COG6: variants seen among roughly 807,000 people sequenced by gnomAD.
The protein encoded by COG6 is component of oligomeric golgi complex 6, also known as conserved oligomeric Golgi complex subunit 6.
COG6 carries 74 observed loss-of-function variants against 88.8 expected under a neutral mutation model. The ratio of observed to expected loss-of-function variants is 0.83; its 90% CI spans 0.69 to 1.01. The LOEUF is 1.01. COG6 is among the 50% of genes least tolerant of loss of function. The probability of loss-of-function intolerance (pLI) is 0.00; values close to 1 mark genes in which losing one functional copy is unlikely to be tolerated. For synonymous variants in COG6, 286 were observed against 278.7 expected, an observed-to-expected ratio of 1.03 and a Z score of -0.26; for missense variants, 800 against 797.9, an observed-to-expected ratio of 1.00 and a Z score of -0.03.
chr13:39,788,533 C>G, exon 19 of COG6: 1 of 618,144 alleles, frequency 1.6e-6, no homozygotes, highest in Non-Finnish European at 2.9e-6. Context: ...GAGGGATGAA[C>G]CAAATGGAAA....
intron 18 of COG6, among the ~76,000 whole-genome samples, chr13:39,768,452 C>T (rs566256243): frequency 6.6e-6 from 1 of 152,374 alleles, no homozygotes; most frequent in East Asian, 1.9e-4. Flanking sequence ...TTCTCATCTG[C>T]TTTGCTGTAC....
chr13:39,777,659 G>A (rs780293531), intron 18 of COG6, among the ~76,000 whole-genome samples: 2 of 152,158 alleles, frequency 1.3e-5, no homozygotes, highest in South Asian at 2.1e-4. Flanking sequence ...TGTTGCAATC[G>A]CAGAGTCAGG....
intron 18 of COG6, chr13:39,785,543 G>A (rs968324874): frequency 6.6e-6 from 1 of 151,958 alleles, no homozygotes; most frequent in African/African-American, 2.4e-5. Context: ...TATGTCTATG[G>A]TCATTTTCTA....
downstream of COG6, among the ~76,000 whole-genome samples, chr13:39,755,731 T>C (rs1214963658): frequency 2.6e-5 from 4 of 152,320 alleles, no homozygotes; most frequent in East Asian, 7.7e-4. Flanking sequence ...AGTTAGAAGC[T>C]GCCTAGCTGA....
chr13:39,712,347 C>T (rs576962420), intron 13 of COG6, among the ~76,000 whole-genome samples: 62 of 152,014 alleles, frequency 4.1e-4, no homozygotes, highest in African/African-American at 1.5e-3. Flanking sequence ...AATATTCCCT[C>T]ATAATACTGT....
At chr13:39,679,645 T>C (rs1876191802) in intron 6 of COG6, 25 bp downstream of exon 6, 1 of 1,411,656 alleles carries the variant, frequency 7.1e-7, no homozygotes, top group Non-Finnish European at 1.0e-6. Flanking sequence ...ACTGAACTAA[T>C]TGCATTGCTG....
intron 18 of COG6, among the ~76,000 whole-genome samples, chr13:39,783,358 T>G (rs1881684039): frequency 1.3e-5 from 2 of 152,170 alleles, no homozygotes; most frequent in Admixed American, 1.3e-4. Flanking sequence ...ATTTAGAAAA[T>G]GTTGATGCTT....
At chr13:39,744,469 CAGAG>C (rs769370444) in intron 18 of COG6, among the ~76,000 whole-genome samples, 93 of 152,222 alleles carry the variant, frequency 6.1e-4, no homozygotes, top group African/African-American at 2.0e-3. Flanking sequence ...AACAGACAAA[CAGAG>C]AGCCAAATCA....
In COG6 at chr13:39,655,833, C is replaced by CG; in HGVS notation, c.108dup (p.Arg37AlafsTer5). 1 of 1,604,914 alleles carries CG rather than the reference C, an allele frequency of 6.2e-7. No homozygotes were observed. The highest frequency in any genetic ancestry group is 2.2e-5 in the East Asian group (1 of 44,452). On this transcript the variant is annotated frameshift_variant, in exon 1 of 19. Transcript: ENST00000455146. LOFTEE classifies it high-confidence loss of function. ...TCGGCGACGACCTGCAACCCGCTGT[C>CG]GCGCAAGCTGCATAAGATCCTGGAG...
intron 13 of COG6, among the ~76,000 whole-genome samples, chr13:39,710,658 A>G (rs1222769568): frequency 6.6e-6 from 1 of 152,168 alleles, no homozygotes; most frequent in Non-Finnish European, 1.5e-5. Context: ...AAATCAACAA[A>G]TACTTTTCGG....
At chr13:39,703,783 C>A (rs1877721143) in intron 13 of COG6, among the ~76,000 whole-genome samples, 1 of 152,044 alleles carries the variant, frequency 6.6e-6, no homozygotes, top group Non-Finnish European at 1.5e-5. Flanking sequence ...CAGGGTCTTA[C>A]TGTTGTTGCC....
chr13:39,656,603 A>G (rs973461128), intron 1 of COG6, among the ~76,000 whole-genome samples: 1 of 152,106 alleles, frequency 6.6e-6, no homozygotes, highest in Non-Finnish European at 1.5e-5. Context: ...AGTGTAACAT[A>G]AAGAAGAACA....
chr13:39,686,120 A>G (rs1213489075), intron 8 of COG6, among the ~76,000 whole-genome samples: 1 of 152,224 alleles, frequency 6.6e-6, no homozygotes, highest in Non-Finnish European at 1.5e-5. Flanking sequence ...AGCCTAAGAT[A>G]TTAATTATTT....
chr13:39,750,883 A>C, intron 18 of COG6, 63 bp from the exon 19 acceptor site: 4 of 1,304,574 alleles, frequency 3.1e-6, no homozygotes, highest in Non-Finnish European at 4.4e-6. Context: ...AAGCTGTCTT[A>C]CAATTCTTAG....
At chr13:39,662,911 C>T (rs1176284504) in intron 3 of COG6, among the ~76,000 whole-genome samples, 1 of 151,990 alleles carries the variant, frequency 6.6e-6, no homozygotes, top group Non-Finnish European at 1.5e-5. Context: ...AGTATCCTCA[C>T]TTTCCCTTTT....
chr13:39,675,925 A>G (rs1008115549), intron 4 of COG6, among the ~76,000 whole-genome samples: 2 of 152,136 alleles, frequency 1.3e-5, no homozygotes, highest in Non-Finnish European at 2.9e-5. Context: ...TTAAAAATTC[A>G]TTTTTAATTT....
At chr13:39,731,777 T>A (rs1879466476) in intron 18 of COG6, among the ~76,000 whole-genome samples, 2 of 152,098 alleles carry the variant, frequency 1.3e-5, no homozygotes, top group Admixed American at 1.3e-4. Flanking sequence ...TTTATTCACT[T>A]GTACTATCAG....
intron 18 of COG6, among the ~76,000 whole-genome samples, chr13:39,743,074 A>G (rs1880137116): frequency 6.6e-6 from 1 of 152,220 alleles, no homozygotes; most frequent in Non-Finnish European, 1.5e-5. Context: ...AAGACACAAC[A>G]TACCAGAATC....
At chr13:39,779,100 C>T (rs1881553636) in intron 18 of COG6, among the ~76,000 whole-genome samples, 1 of 152,132 alleles carries the variant, frequency 6.6e-6, no homozygotes, top group East Asian at 1.9e-4. Flanking sequence ...ACTGCGTGAC[C>T]TTGAGCAATC....
Sources: gnomAD v4.1 joint callset for allele counts (sites outside exome capture counted in the v4.1 genomes callset) on GRCh38, gnomAD v4.1.1 for gene constraint, MANE v1.5 for transcripts, NCBI Gene and HGNC (gene_info 2026-07-23, HGNC 2026-07-21) for gene names.